Variants in HSPB8 observed in about 807,000 individuals in gnomAD.
The protein encoded by HSPB8 is heat shock protein family B (small) member 8, also known as heat shock protein beta-8.
HSPB8 carries 9 observed loss-of-function variants against 16.5 expected under a neutral mutation model. That is an observed-to-expected ratio of 0.55 (90% confidence interval 0.33 to 0.95). The LOEUF (loss-of-function observed/expected upper bound fraction) is 0.95. Among genes scored for constraint, HSPB8 ranks in the 40% least tolerant of loss-of-function variants. HSPB8 has a pLI of 0.03. For missense variants in HSPB8, 238 were observed against 251.2 expected (o/e 0.95, Z 0.35); for synonymous variants, 99 against 94.8 (o/e 1.04, Z -0.26).
At position 119,179,255 on chromosome 12, in the gene HSPB8, T is replaced by C; in HGVS notation, c.-58T>C. ...AGCCACACCACCTTGTTGTGTGACCTTGGGCAGGTGGTTCTGTCTCTCTGA... is the reference window on the plus strand; with the variant it reads ...AGCCACACCACCTTGTTGTGTGACCCTGGGCAGGTGGTTCTGTCTCTCTGA... On this transcript the variant is annotated 5_prime_UTR_variant, in exon 1 of 3. Transcript: ENST00000281938. The C allele has an allele frequency of 6.4e-7, 1 of 1,569,100 alleles. No individual in the cohort carries two copies. Among genetic ancestry groups the C allele is most frequent in the Non-Finnish European group, 8.7e-7 (1 of 1,143,116 alleles).
chr12:119,180,831 C>G (rs1444795855), intron 1 of HSPB8, among the ~76,000 whole-genome samples: 1 of 152,148 alleles, frequency 6.6e-6, no homozygotes, highest in Non-Finnish European at 1.5e-5. Context: ...GAACAAGCCC[C>G]AGCAGCATTC....
Position 119,179,052 on chromosome 12 carries a change from G to A in HSPB8, c.-261G>A. ...AAGCCTGGGAGGACGGTGGCTTGCC[G>A]GTCTGTCGTGAGGCAGTGCGGACGG... On this transcript the variant is annotated 5_prime_UTR_variant, in exon 1 of 3. Transcript: ENST00000281938. 1 of 549,968 alleles carries A rather than the reference G, an allele frequency of 1.8e-6. No individual in the cohort carries two copies. The highest frequency in any genetic ancestry group is 3.3e-6 in the Non-Finnish European group (1 of 305,570). 34.1% of individuals were successfully genotyped at this position (549,968 alleles called of 1,614,324 possible).
chr12:119,191,752 G>A (rs901593632), intron 2 of HSPB8, among the ~76,000 whole-genome samples: 1 of 152,160 alleles, frequency 6.6e-6, no homozygotes, highest in Non-Finnish European at 1.5e-5. Context: ...TGAACTGCCG[G>A]TCCTTCCTGC....
At chr12:119,184,869 T>C (rs923691259) in intron 1 of HSPB8, among the ~76,000 whole-genome samples, 3 of 152,166 alleles carry the variant, frequency 2.0e-5, no homozygotes, top group Admixed American at 6.5e-5. Flanking sequence ...TATTCCTCAA[T>C]AGAACACTGC....
chr12:119,189,229 G>T (rs1954696092), intron 2 of HSPB8, among the ~76,000 whole-genome samples: 1 of 151,922 alleles, frequency 6.6e-6, no homozygotes, highest in Non-Finnish European at 1.5e-5. Flanking sequence ...GAGGTCTCAG[G>T]GTGGAGTCAC....
chr12:119,192,001 A>C (rs528578108), intron 2 of HSPB8, among the ~76,000 whole-genome samples: 1 of 152,338 alleles, frequency 6.6e-6, no homozygotes, highest in African/African-American at 2.4e-5. Context: ...TGATTCAGCT[A>C]AAGTACCTGG....
intron 2 of HSPB8, among the ~76,000 whole-genome samples, chr12:119,188,433 G>A (rs766994761): frequency 8.6e-5 from 13 of 151,960 alleles, no homozygotes; most frequent in Admixed American, 2.0e-4. Flanking sequence ...TTTTAGTAGA[G>A]ACGGGGTTTC....
At position 119,193,918 on chromosome 12, in the gene HSPB8, G is replaced by A; in HGVS notation, c.*60G>A. The stretch of plus-strand genomic sequence containing the variant: ...AACCCTAGGGCTTCTCTGATTCCAG[G>A]ATACATTACTTTAGCTGAACTCAGA... On this transcript the variant is annotated 3_prime_UTR_variant, in exon 3 of 3. Transcript: ENST00000281938. The A allele has an allele frequency of 1.3e-6, 2 of 1,565,472 alleles. No homozygotes were observed. The highest frequency in any genetic ancestry group is 1.8e-6 in the Non-Finnish European group (2 of 1,137,004).
rs370497153 is a variant in HSPB8 at position 119,179,469 on chromosome 12, C to G, written c.157C>G (p.Leu53Val). The G allele has an allele frequency of 1.9e-6, 3 of 1,613,984 alleles. No individual in the cohort carries two copies. Among genetic ancestry groups the G allele is most frequent in the African/African-American group, 2.7e-5 (2 of 74,930 alleles). ...DLTASWPDWALPRLSSAWPGT... is the reference protein window; with the variant it reads ...DLTASWPDWAVPRLSSAWPGT... ...GACAGCCTCTTGGCCCGACTGGGCT[C>G]TGCCTCGTCTCTCCTCCGCCTGGCC... The change falls in exon 1 of 3, where the codon CTG becomes GTG. Residue 53 changes from leucine to valine, a missense_variant. Physicochemically the swap from Leu to Val is conservative, Grantham distance 32. Transcript: ENST00000281938.
intron 2 of HSPB8, among the ~76,000 whole-genome samples, chr12:119,189,335 G>A (rs1954697367): frequency 6.6e-6 from 1 of 150,868 alleles, no homozygotes; most frequent in Non-Finnish European, 1.5e-5. Flanking sequence ...GTGTGTGTGT[G>A]TGTGTGTATT....
intron 2 of HSPB8, among the ~76,000 whole-genome samples, chr12:119,193,170 C>T (rs560712985): frequency 6.6e-6 from 1 of 152,172 alleles, no homozygotes; most frequent in African/African-American, 2.4e-5. Context: ...CTTTTATCCA[C>T]CAAGGTACCT....
rs1481334800 is a variant in HSPB8 at position 119,193,750 on chromosome 12, G to A, written c.483G>A (p.Glu161=). The change falls in exon 3 of 3, where the codon GAG becomes GAA. Residue 161 remains glutamate (E), a synonymous_variant. Coordinates refer to ENST00000281938, the MANE Select transcript of HSPB8 (RefSeq NM_014365.3). ...CAGTATTTGCCTCACTTTCCCCAGA[G>A]GGTCTGCTGATCATCGAAGCTCCCC... is the stretch of plus-strand genomic sequence containing the variant. The part of the protein sequence containing the change: ...PVTVFASLSP[E]GLLIIEAPQV... 1.2e-6 allele frequency: 2 copies of A among 1,614,070 alleles called. No homozygotes were observed. Among genetic ancestry groups the A allele is most frequent in the Non-Finnish European group, 1.7e-6 (2 of 1,180,046 alleles).
chr12:119,183,508 G>T (rs944805413), intron 1 of HSPB8, among the ~76,000 whole-genome samples: 7 of 152,206 alleles, frequency 4.6e-5, no homozygotes, highest in African/African-American at 1.7e-4. Context: ...TTTCTCTGAG[G>T]CATGTTGAAA....
In HSPB8 at chr12:119,178,939, T is replaced by TG; in HGVS notation, c.-374_-373insG. On this transcript the variant is annotated 5_prime_UTR_variant, in exon 1 of 3. Coordinates refer to ENST00000281938, the MANE Select transcript of HSPB8 (RefSeq NM_014365.3). ...GCAGCCCAGAAGGAGCCAGAAGAAG[T>TG]TTCTAGGCGCGCGTGCCCTGGGTTT... 1 of 329,286 alleles carries TG rather than the reference T, an allele frequency of 3.0e-6. No individual in the cohort carries two copies. Among genetic ancestry groups the TG allele is most frequent in the South Asian group, 3.1e-5 (1 of 32,428 alleles). 20.4% of individuals were successfully genotyped at this position (329,286 alleles called of 1,614,324 possible). A position where few individuals can be genotyped will look rare whatever the true frequency, so the allele number is the denominator to read the frequency against.
chr12:119,186,199 T>G (rs1264554855), intron 1 of HSPB8, among the ~76,000 whole-genome samples: 1 of 152,202 alleles, frequency 6.6e-6, no homozygotes, highest in Non-Finnish European at 1.5e-5. Context: ...CTGAGGGGGT[T>G]GGGAAGCCCT....
At chr12:119,188,303 G>A (rs986939131) in intron 2 of HSPB8, among the ~76,000 whole-genome samples, 7 of 147,424 alleles carry the variant, frequency 4.7e-5, no homozygotes, top group Admixed American at 2.1e-4. Context: ...CTGGAGTGCA[G>A]TGGCACGATG....
Position 119,187,024 on chromosome 12 carries a change from G to A in HSPB8, c.368-1G>A. The A allele has an allele frequency of 6.2e-7, 1 of 1,613,990 alleles. No individual in the cohort carries two copies. The highest frequency in any genetic ancestry group is 1.1e-5 in the South Asian group (1 of 91,076). On this transcript the variant is annotated splice_acceptor_variant, in intron 1 of 2. Coordinates refer to ENST00000281938, the MANE Select transcript of HSPB8 (RefSeq NM_014365.3). LOFTEE classifies it high-confidence loss of function. ...ACACGCCACACTTTTCTTCCTTCCA[G>A]GCAAACATGAAGAGAAACAGCAAGA...
At chr12:119,189,300 G>GC (rs1261297676) in intron 2 of HSPB8, among the ~76,000 whole-genome samples, 1 of 92,904 alleles carries the variant, frequency 1.1e-5, no homozygotes, top group Non-Finnish European at 2.2e-5. Context: ...CATCTTAAAA[G>GC]GGGTGTGTGT....
Position 119,179,169 on chromosome 12 carries a change from T to G in HSPB8, c.-144T>G. ...GGGACACAACCGTCCCTGGCAGTGG[T>G]TGGTTCTGCTTCTCCCTGCAGAAAA... On this transcript the variant is annotated 5_prime_UTR_variant, in exon 1 of 3. Coordinates refer to ENST00000281938, the MANE Select transcript of HSPB8 (RefSeq NM_014365.3). 2.4e-6 allele frequency: 2 copies of G among 823,382 alleles called. No homozygotes were observed. The highest frequency in any genetic ancestry group is 4.0e-6 in the Non-Finnish European group (2 of 496,800). The allele number at this position is 823,382 out of a possible 1,614,324, so 51.0% of individuals were successfully genotyped here.
Sources: allele counts gnomAD v4.1 joint callset (sites outside exome capture counted in the v4.1 genomes callset), GRCh38; gene constraint gnomAD v4.1.1; transcripts MANE v1.5; gene names NCBI Gene and HGNC (gene_info 2026-07-23, HGNC 2026-07-21).